Variants in FBXW11 observed in about 807,000 individuals in gnomAD.
FBXW11 encodes the protein F-box and WD repeat domain containing 11.
A neutral mutation model predicts 77.6 loss-of-function variants in FBXW11; 19 were observed. The observed-to-expected ratio is 0.24, with a 90% CI of 0.17 to 0.36. The LOEUF (loss-of-function observed/expected upper bound fraction) is 0.36. Ranked by LOEUF, FBXW11 falls within the 10% of genes least tolerant of loss-of-function variation. FBXW11 has a pLI of 1.00. For missense variants in FBXW11, 334 were observed against 704.2 expected (o/e 0.47, Z 5.95); for synonymous variants, 235 against 249.4 (o/e 0.94, Z 0.54).
intron 2 of FBXW11, among the ~76,000 whole-genome samples, chr5:171,931,581 C>A (rs1467944349): frequency 6.6e-6 from 1 of 152,060 alleles, no homozygotes; most frequent in Admixed American, 6.6e-5. Context: ...TAAAAGATAA[C>A]ATAGGAGAAA....
intron 1 of FBXW11, among the ~76,000 whole-genome samples, chr5:171,976,018 C>G (rs1450196948): frequency 6.6e-6 from 1 of 151,936 alleles, no homozygotes; most frequent in Non-Finnish European, 1.5e-5. Flanking sequence ...CAGGAATAAT[C>G]AACCTATTAA....
chr5:171,936,575 A>T (rs1472837129), intron 2 of FBXW11, among the ~76,000 whole-genome samples: 2 of 151,958 alleles, frequency 1.3e-5, no homozygotes, highest in African/African-American at 4.8e-5. Flanking sequence ...AAACCTCTCT[A>T]TAAAAAGAAA....
intron 2 of FBXW11, among the ~76,000 whole-genome samples, chr5:171,944,291 A>C (rs1049275454): frequency 1.3e-5 from 2 of 151,902 alleles, no homozygotes; most frequent in African/African-American, 4.8e-5. Flanking sequence ...TAAAAGTAAA[A>C]GAAGGCCGGG....
At chr5:171,885,546 G>A (rs1389294037) in intron 7 of FBXW11, among the ~76,000 whole-genome samples, 3 of 152,176 alleles carry the variant, frequency 2.0e-5, no homozygotes, top group African/African-American at 7.2e-5. Context: ...TAAGTAGAAT[G>A]GTTGATTTTT....
At chr5:171,921,277 G>A (rs530967452) in intron 2 of FBXW11, among the ~76,000 whole-genome samples, 7 of 152,266 alleles carry the variant, frequency 4.6e-5, no homozygotes, top group South Asian at 4.1e-4. Context: ...TAGGAGCCAC[G>A]AACTGACACA....
At chr5:171,920,830 G>A (rs80230334) in intron 2 of FBXW11, among the ~76,000 whole-genome samples, 2,634 of 152,050 alleles carry the variant, frequency 0.017, 72 homozygotes, top group African/African-American at 0.061. Context: ...TGAACATGGC[G>A]ACCCCAATGC....
intron 1 of FBXW11, among the ~76,000 whole-genome samples, chr5:172,003,501 T>C (rs1240892127): frequency 6.6e-6 from 1 of 152,182 alleles, no homozygotes; most frequent in Non-Finnish European, 1.5e-5. Flanking sequence ...TTTGGAAAAA[T>C]AGGCCCACTA....
At chr5:171,908,204 A>C (rs1184676619) in intron 4 of FBXW11, among the ~76,000 whole-genome samples, 1 of 152,198 alleles carries the variant, frequency 6.6e-6, no homozygotes. Context: ...TCATATGTAC[A>C]TGCCTCATCT....
chr5:171,880,370 G>C (rs868825205), intron 7 of FBXW11, among the ~76,000 whole-genome samples: 1 of 152,306 alleles, frequency 6.6e-6, no homozygotes, highest in Middle Eastern at 3.4e-3. Flanking sequence ...TTCAAGTAGG[G>C]TAGTGTTAGT....
chr5:171,987,616 T>A (rs1254773609), intron 1 of FBXW11, among the ~76,000 whole-genome samples: 4 of 152,048 alleles, frequency 2.6e-5, no homozygotes, highest in Admixed American at 2.6e-4. Context: ...CATGCCCAGC[T>A]ACTTTTTTTG....
At chr5:171,997,186 G>C in intron 1 of FBXW11, 2 of 598,822 alleles carry the variant, frequency 3.3e-6, no homozygotes, top group Non-Finnish European at 5.2e-6. Context: ...CCCTGAGTCA[G>C]CTATTTGGCA....
At chr5:171,997,991 T>G (rs1227132599) in intron 1 of FBXW11, among the ~76,000 whole-genome samples, 4 of 152,124 alleles carry the variant, frequency 2.6e-5, no homozygotes, top group Non-Finnish European at 5.9e-5. Context: ...CATATTTAAT[T>G]CTCAAAAAAA....
rs186904301 is a variant in FBXW11, at chr5:171,952,850, A to T, written c.147+4747T>A. ...TCGTAAACTTTCTTAAAATATTATG[A>T]GATTTTTTTTCTTTCGCAATTTTTT... On this transcript the variant is annotated intron_variant, in intron 2 of 13. Transcript: ENST00000517395. Among the ~76,000 whole-genome samples the T allele has an allele frequency of 1.4e-4, 22 of 152,014 alleles. No homozygotes were observed. The South Asian group carries it at 2.1e-3, about 14-fold the overall frequency.
At chr5:171,864,558 T>A (rs1275250615) in intron 13 of FBXW11, among the ~76,000 whole-genome samples, 1 of 152,254 alleles carries the variant, frequency 6.6e-6, no homozygotes, top group African/African-American at 2.4e-5. Context: ...ACGAGAGCCC[T>A]CATCGATCAC....
rs1181062917 is a variant in FBXW11 at position 171,904,366 on chromosome 5, T to C, written c.437-4266A>G. ...TTTTCAAACCTCAAAGGCTGCAACA[T>C]CCCCATCATCTGTGACGGGAAAGCA... On this transcript the variant is annotated intron_variant, in intron 4 of 13. Coordinates refer to ENST00000517395, the MANE Select transcript of FBXW11 (RefSeq NM_001378974.1). This position sits in a 1 kb window ranked among gnomAD's most constrained non-coding sequence, Gnocchi z 4.0. Among the ~76,000 whole-genome samples the C allele has an allele frequency of 1.3e-5, 2 of 151,888 alleles. No individual in the cohort carries two copies. The highest frequency in any genetic ancestry group is 2.9e-5 in the Non-Finnish European group (2 of 67,954).
At chr5:171,961,220 C>T (rs1160543990) in intron 1 of FBXW11, among the ~76,000 whole-genome samples, 1 of 152,170 alleles carries the variant, frequency 6.6e-6, no homozygotes, top group African/African-American at 2.4e-5. Flanking sequence ...CTAGGCAGCA[C>T]CCAAGCTGGT....
At chr5:171,927,626 C>G (rs951593362) in intron 2 of FBXW11, among the ~76,000 whole-genome samples, 2 of 152,148 alleles carry the variant, frequency 1.3e-5, no homozygotes, top group African/African-American at 4.8e-5. Context: ...TTAAAACATG[C>G]TCTTCGGTTA....
intron 1 of FBXW11, among the ~76,000 whole-genome samples, chr5:171,984,608 T>A (rs750075543): frequency 1.4e-4 from 22 of 152,202 alleles, no homozygotes; most frequent in South Asian, 4.1e-4. Context: ...TAATATGGTA[T>A]AATTTTAAGT....
At chr5:171,966,820 A>G (rs935724072) in intron 1 of FBXW11, among the ~76,000 whole-genome samples, 1 of 152,212 alleles carries the variant, frequency 6.6e-6, no homozygotes, top group Non-Finnish European at 1.5e-5. Flanking sequence ...GAAAATTAAC[A>G]AAGAAGGATA....
Sources: gnomAD v4.1 joint callset for allele counts (sites outside exome capture counted in the v4.1 genomes callset) on GRCh38, gnomAD v4.1.1 for gene constraint, Gnocchi (gnomAD v3.1) non-coding constraint, MANE v1.5 for transcripts, NCBI Gene and HGNC (gene_info 2026-07-23, HGNC 2026-07-21) for gene names.